KIF26A: variants seen among roughly 807,000 people sequenced by gnomAD.
KIF26A encodes kinesin family member 26A, also known as kinesin-like protein KIF26A.
Under a neutral mutation model 126.0 loss-of-function variants are expected in KIF26A, and 74 were observed. The ratio of observed to expected loss-of-function variants is 0.59; its 90% CI spans 0.49 to 0.71. KIF26A has a LOEUF of 0.71. KIF26A is among the 30% of genes least tolerant of loss of function. KIF26A has a pLI of 0.00. For synonymous variants in KIF26A, 1,445 were observed against 1,232.7 expected (o/e 1.17, Z -3.61); for missense variants, 2,984 against 2,763.3 (o/e 1.08, Z -1.79).
rs1196175799 is a variant in KIF26A, at chr14:104,175,304, G to A, written c.2516G>A (p.Ser839Asn). Residue 839 changes from serine (S) to asparagine (N), a missense_variant, in exon 12 of 15, where the codon AGC (serine) becomes AAC (asparagine). Transcript: ENST00000423312. ...GPRDADHFRC[S>N]TFAELQERLE... is the part of the protein sequence containing the mutation. ...CGAGACGCAGACCACTTCCGCTGCA[G>A]CACCTTCGCGGAGCTGCAGGAGCGG... The A allele has an allele frequency of 1.2e-6, 2 of 1,604,634 alleles. No homozygotes were observed. The highest frequency in any genetic ancestry group is 2.2e-5 in the South Asian group (2 of 90,912).
rs568698093 is a variant in KIF26A, at chr14:104,174,143, C to A, written c.2031-5C>A. 2.6e-4 allele frequency: 399 copies of A among 1,558,766 alleles called. 1 individual carries two copies. In the African/African-American group the frequency reaches 5.0e-3, roughly 20 times the overall value. ...CCTTGGCATCTGAACCGCCTCGACC[C>A]GCAGGGACCACAGGCTCACCATGCT... is the stretch of plus-strand genomic sequence containing the variant. On this transcript the variant is annotated splice_region_variant and splice_polypyrimidine_tract_variant and intron_variant, in intron 10 of 14. Coordinates refer to ENST00000423312, the MANE Select transcript of KIF26A (RefSeq NM_015656.2).
At position 104,148,303 on chromosome 14, in the gene KIF26A, A is replaced by T. The variant is rs2141092176; in HGVS notation, c.289-3712A>T. Among the ~76,000 whole-genome samples, 1 of 152,350 alleles carries T rather than the reference A, an allele frequency of 6.6e-6. No individual in the cohort carries two copies. Among genetic ancestry groups the T allele is most frequent in the South Asian group, 2.1e-4 (1 of 4,826 alleles). On this transcript the variant is annotated intron_variant, in intron 2 of 14. Transcript: ENST00000423312. This position sits in a 1 kb window ranked among gnomAD's most constrained non-coding sequence, Gnocchi z 4.3. ...TGGGCTATGTTTGATGCTAAATTGA[A>T]TCAAATGAAGAAAAACATTTTCCAA...
intron 6 of KIF26A, 100 bp from the exon 7 acceptor site, chr14:104,172,474 TG>T: frequency 2.7e-6 from 2 of 752,922 alleles, no homozygotes; most frequent in African/African-American, 1.7e-5. Flanking sequence ...AATCTCCTTG[TG>T]GGTCGACTGC....
chr14:104,178,467 G>A (rs2038060969), intron 12 of KIF26A, 83 bp from the exon 13 acceptor site: 2 of 1,062,202 alleles, frequency 1.9e-6, no homozygotes, highest in Non-Finnish European at 2.5e-6. Flanking sequence ...CAGGACTCGG[G>A]CCGGCTCCGC....
chr14:104,147,261 G>A (rs1436583003), intron 2 of KIF26A, among the ~76,000 whole-genome samples: 1 of 152,206 alleles, frequency 6.6e-6, no homozygotes, highest in Non-Finnish European at 1.5e-5. Context: ...CATGGCATGC[G>A]ATGGAGGACA....
At chr14:104,156,719 C>T (rs535758472) in intron 3 of KIF26A, among the ~76,000 whole-genome samples, 23 of 152,266 alleles carry the variant, frequency 1.5e-4, no homozygotes, top group East Asian at 3.9e-4. Flanking sequence ...GGTCCCGGGG[C>T]GGCTTGTTCT....
intron 2 of KIF26A, among the ~76,000 whole-genome samples, chr14:104,142,161 C>T (rs1291300988): frequency 6.6e-6 from 1 of 152,112 alleles, no homozygotes; most frequent in Non-Finnish European, 1.5e-5. Context: ...TGTGCCCTCC[C>T]CACCTTTCTG....
intron 2 of KIF26A, among the ~76,000 whole-genome samples, chr14:104,142,193 G>A (rs2037643711): frequency 6.6e-6 from 1 of 152,154 alleles, no homozygotes; most frequent in African/African-American, 2.4e-5. Flanking sequence ...CCCGTCTGGG[G>A]CCGTAGGGGA....
At position 104,139,194 on chromosome 14, in the gene KIF26A, G is replaced by C; in HGVS notation, c.194G>C (p.Gly65Ala). 6.5e-7 allele frequency: 1 copy of C among 1,548,000 alleles called. No individual in the cohort carries two copies. Among genetic ancestry groups the C allele is most frequent in the Non-Finnish European group, 8.7e-7 (1 of 1,147,212 alleles). The change falls in exon 2 of 15, where the codon GGC (glycine) becomes GCC (alanine). Residue 65 changes from glycine (G) to alanine (A), a missense_variant. By Grantham distance (60) the Gly-to-Ala change is moderately conservative (BLOSUM62 0). Coordinates refer to ENST00000423312, the MANE Select transcript of KIF26A (RefSeq NM_015656.2). The stretch of plus-strand genomic sequence containing the variant: ...GGCCCAGAGCAGGGCCACTCGGCCG[G>C]CGGAGGCGGCTGGTGCCGCCACTGC... ...GAGPEQGHSA[G>A]GGGWCRHCHT... is the part of the protein sequence containing the mutation.
intron 12 of KIF26A, 93 bp downstream of exon 12, chr14:104,177,991 T>C (rs12147658): frequency 0.063 from 82,814 of 1,307,180 alleles, 2,891 homozygotes; most frequent in African/African-American, 0.11. Context: ...CAGGAGATGC[T>C]GGACAGATGG....
At chr14:104,149,734 C>T (rs929162424) in intron 2 of KIF26A, among the ~76,000 whole-genome samples, 1 of 152,206 alleles carries the variant, frequency 6.6e-6, no homozygotes, top group Non-Finnish European at 1.5e-5. Context: ...CTGCCCTCCA[C>T]TCTCCTTCCT....
At chr14:104,172,204 G>C (rs113225586) in intron 6 of KIF26A, among the ~76,000 whole-genome samples, 1 of 152,372 alleles carries the variant, frequency 6.6e-6, no homozygotes, top group East Asian at 1.9e-4. Context: ...GAAGCTTTCC[G>C]AGCAGCTGTT....
intron 5 of KIF26A, among the ~76,000 whole-genome samples, chr14:104,170,597 G>A (rs1208007951): frequency 6.6e-6 from 1 of 152,244 alleles, no homozygotes; most frequent in East Asian, 1.9e-4. Context: ...AGATTTCAGC[G>A]CAGAGTGGAC....
Position 104,139,247 on chromosome 14 carries a change from C to A in KIF26A, c.247C>A (p.Gln83Lys). ...CHTKLVELKR[Q>K]AWKLVSGPGT... ...CACGAAGCTGGTGGAGCTCAAGCGA[C>A]AGGCGTGGAAGCTGGTCAGCGGGCC... The change falls in exon 2 of 15, where the codon CAG becomes AAG. Residue 83 changes from glutamine (Q) to lysine (K), a missense_variant. Gln to Lys is a moderately conservative substitution (Grantham distance 53, BLOSUM62 1). Coordinates refer to ENST00000423312, the MANE Select transcript of KIF26A (RefSeq NM_015656.2). 2 of 1,553,650 alleles carry A rather than the reference C, an allele frequency of 1.3e-6. No individual in the cohort carries two copies. The highest frequency in any genetic ancestry group is 2.0e-5 in the Admixed American group (1 of 50,418).
chr14:104,148,111 C>T lies in KIF26A; in HGVS notation c.289-3904C>T, dbSNP rs1345634443. Among the ~76,000 whole-genome samples the T allele has an allele frequency of 6.6e-6, 1 of 152,164 alleles. No homozygotes were observed. Among genetic ancestry groups the T allele is most frequent in the East Asian group, 1.9e-4 (1 of 5,194 alleles). On this transcript the variant is annotated intron_variant, in intron 2 of 14. Coordinates refer to ENST00000423312, the MANE Select transcript of KIF26A (RefSeq NM_015656.2). The surrounding 1 kb of genome is among the most constrained non-coding windows in gnomAD (Gnocchi z 4.3). ...CTGGAGTGGGGAGACTTCTCTCCTG[C>T]AGTGACGGGGAGCGGGGAGTCCCCG... is the stretch of plus-strand genomic sequence containing the variant.
chr14:104,158,363 G>C (rs373973531), intron 4 of KIF26A, among the ~76,000 whole-genome samples: 1 of 152,234 alleles, frequency 6.6e-6, no homozygotes, highest in Non-Finnish European at 1.5e-5. Flanking sequence ...AATGTGGCCC[G>C]GAGTGGGGCA....
chr14:104,149,726 G>C (rs1020538322), intron 2 of KIF26A, among the ~76,000 whole-genome samples: 5 of 152,120 alleles, frequency 3.3e-5, no homozygotes, highest in Non-Finnish European at 7.4e-5. Context: ...TCCCTCCCCT[G>C]CCCTCCACTC....
Position 104,171,955 on chromosome 14 carries a change from G to T in KIF26A, c.1326+20G>T, listed in dbSNP as rs2037962290. On this transcript the variant is annotated intron_variant, in intron 6 of 14. Transcript: ENST00000423312. The stretch of plus-strand genomic sequence containing the variant: ...GAGCAGGTACGGGCAGGCGGACTGG[G>T]CGTCCTCCCGGAGACCCGGAGCCGG... 2 of 1,545,294 alleles carry T rather than the reference G, an allele frequency of 1.3e-6. No individual in the cohort carries two copies. Among genetic ancestry groups the T allele is most frequent in the African/African-American group, 1.4e-5 (1 of 72,930 alleles).
At position 104,174,160 on chromosome 14, in the gene KIF26A, C is replaced by T. The variant is rs1282636173; in HGVS notation, c.2043C>T (p.Leu681=). Residue 681 remains leucine (L), a synonymous_variant, in exon 11 of 15, where the codon CTC becomes CTT. Transcript: ENST00000423312. ...CCTCGACCCGCAGGGACCACAGGCTCACCATGCTGCTGCGTGAATCCCTGG... is the reference window on the plus strand; with the variant it reads ...CCTCGACCCGCAGGGACCACAGGCTTACCATGCTGCTGCGTGAATCCCTGG... ...AKHVPYRDHR[L]TMLLRESLAT... is the part of the protein sequence containing the mutation. 1.3e-6 allele frequency: 2 copies of T among 1,577,350 alleles called. No individual in the cohort carries two copies. The highest frequency in any genetic ancestry group is 1.8e-5 in the Admixed American group (1 of 56,886).
Sources: allele counts gnomAD v4.1 joint callset (sites outside exome capture counted in the v4.1 genomes callset), GRCh38; gene constraint gnomAD v4.1.1; non-coding constraint Gnocchi (gnomAD v3.1); transcripts MANE v1.5; gene names NCBI Gene and HGNC (gene_info 2026-07-23, HGNC 2026-07-21).